SHROOM3: variants seen among roughly 807,000 people sequenced by gnomAD.
The protein encoded by SHROOM3 is protein Shroom3.
A neutral mutation model predicts 138.6 loss-of-function variants in SHROOM3; 47 were observed. The ratio of observed to expected loss-of-function variants is 0.34; its 90% confidence interval spans 0.27 to 0.43. The LOEUF (loss-of-function observed/expected upper bound fraction) is 0.43. Ranked by LOEUF, SHROOM3 falls within the 20% of genes least tolerant of loss-of-function variation. SHROOM3 has a pLI of 1.00. For synonymous variants in SHROOM3, 1,062 were observed against 1,063.3 expected (o/e 1.00, Z 0.02); for missense variants, 2,491 against 2,596.5 (o/e 0.96, Z 0.88).
chr4:76,674,696 A>G (rs1210253458), intron 2 of SHROOM3, among the ~76,000 whole-genome samples: 1 of 151,668 alleles, frequency 6.6e-6, no homozygotes, highest in Non-Finnish European at 1.5e-5. Flanking sequence ...CTGGGACTAC[A>G]GGCACACATC....
intron 2 of SHROOM3, among the ~76,000 whole-genome samples, chr4:76,639,228 T>C (rs1171388145): frequency 6.6e-6 from 1 of 152,300 alleles, no homozygotes; most frequent in East Asian, 1.9e-4. Flanking sequence ...TAAACCCATG[T>C]ATCACTCCCT....
chr4:76,771,031 T>C lies in SHROOM3; in HGVS notation c.5622+133T>C, dbSNP rs995047706. On this transcript the variant is annotated intron_variant, in intron 10 of 10. Coordinates refer to ENST00000296043, the MANE Select transcript of SHROOM3 (RefSeq NM_020859.4). ...CTTTGGGGCAGGGAGAGAATACATG[T>C]ATAGGTAACCAAGAAACAGAGAAGG... The C allele has an allele frequency of 5.1e-6, 6 of 1,171,732 alleles. No homozygotes were observed. In the Admixed American group the frequency reaches 7.1e-5, roughly 14 times the overall value. The allele number at this position is 1,171,732 out of a possible 1,614,324, so 72.6% of individuals were successfully genotyped here.
chr4:76,700,785 A>G (rs759578488), intron 2 of SHROOM3, among the ~76,000 whole-genome samples: 1 of 148,722 alleles, frequency 6.7e-6, no homozygotes, highest in Non-Finnish European at 1.5e-5. Flanking sequence ...TCTTTTATTT[A>G]TTTATTTATT....
chr4:76,565,623 C>T (rs531586315), intron 2 of SHROOM3, among the ~76,000 whole-genome samples: 3 of 152,210 alleles, frequency 2.0e-5, no homozygotes, highest in African/African-American at 7.2e-5. Context: ...GCTGGGACTA[C>T]AGGTGCACAC....
intron 2 of SHROOM3, among the ~76,000 whole-genome samples, chr4:76,649,872 A>G (rs1735915111): frequency 6.6e-6 from 1 of 152,194 alleles, no homozygotes; most frequent in Admixed American, 6.5e-5. Flanking sequence ...TTGGGCAGCC[A>G]TAACAAAATA....
intron 2 of SHROOM3, chr4:76,688,351 TAA>T: frequency 1.0e-6 from 1 of 983,034 alleles, no homozygotes; most frequent in Non-Finnish European, 1.2e-6. Context: ...TGTCAGGATA[TAA>T]GAGCACAGAC....
chr4:76,639,635 C>A, intron 2 of SHROOM3: 1 of 396,314 alleles, frequency 2.5e-6, no homozygotes, highest in Non-Finnish European at 4.4e-6. Context: ...AAGAAGACAA[C>A]GAAACATGTA....
chr4:76,748,876 T>C, intron 5 of SHROOM3, 141 bp from the exon 6 acceptor site: 1 of 732,694 alleles, frequency 1.4e-6, no homozygotes, highest in South Asian at 1.4e-5. Context: ...GCCATGGGAT[T>C]ATGTAAGAGT....
chr4:76,631,773 A>G (rs1577934419), intron 2 of SHROOM3, among the ~76,000 whole-genome samples: 2 of 152,334 alleles, frequency 1.3e-5, no homozygotes, highest in East Asian at 3.9e-4. Context: ...TATCAACTTT[A>G]TTTCTTGAAA....
intron 1 of SHROOM3, among the ~76,000 whole-genome samples, chr4:76,481,245 G>C (rs1250219251): frequency 1.3e-5 from 2 of 152,012 alleles, no homozygotes; most frequent in East Asian, 3.8e-4. Context: ...GACTAATAAA[G>C]AAGAAAAGAG....
intron 1 of SHROOM3, among the ~76,000 whole-genome samples, chr4:76,498,927 C>T (rs999097341): frequency 2.6e-4 from 39 of 152,176 alleles, no homozygotes; most frequent in African/African-American, 9.2e-4. Context: ...TGGATTTGTG[C>T]GATGGAAACT....
chr4:76,757,683 C>T (rs866131755), intron 8 of SHROOM3, among the ~76,000 whole-genome samples: 4 of 152,192 alleles, frequency 2.6e-5, no homozygotes, highest in Admixed American at 1.3e-4. Flanking sequence ...TGGCCCAGTC[C>T]GTGAGCCTCT....
intron 2 of SHROOM3, among the ~76,000 whole-genome samples, chr4:76,638,319 CA>C (rs1735561210): frequency 1.3e-5 from 2 of 151,670 alleles, no homozygotes; most frequent in East Asian, 3.9e-4. Flanking sequence ...ACTATGTACC[CA>C]AAAAAATTAA....
intron 2 of SHROOM3, among the ~76,000 whole-genome samples, chr4:76,574,593 T>G (rs1245889298): frequency 6.6e-6 from 1 of 152,232 alleles, no homozygotes; most frequent in African/African-American, 2.4e-5. Context: ...ATTGATTAGC[T>G]ACATAAACTC....
intron 2 of SHROOM3, among the ~76,000 whole-genome samples, chr4:76,632,048 T>C (rs1396869966): frequency 6.6e-6 from 1 of 152,128 alleles, no homozygotes; most frequent in Non-Finnish European, 1.5e-5. Flanking sequence ...AATGGGATCA[T>C]GAGTCAAGAT....
chr4:76,623,477 G>T (rs1577926387), intron 2 of SHROOM3, among the ~76,000 whole-genome samples: 1 of 152,302 alleles, frequency 6.6e-6, no homozygotes, highest in East Asian at 1.9e-4. Flanking sequence ...GAGGTTCCAA[G>T]GAAAGCACTG....
intron 2 of SHROOM3, among the ~76,000 whole-genome samples, chr4:76,584,032 A>G (rs1734100438): frequency 6.6e-6 from 1 of 152,232 alleles, no homozygotes; most frequent in Admixed American, 6.5e-5. Flanking sequence ...AGTGACATAG[A>G]GGCTGGGTAC....
At chr4:76,457,649 G>A (rs1173298757) in intron 1 of SHROOM3, among the ~76,000 whole-genome samples, 6 of 151,642 alleles carry the variant, frequency 4.0e-5, no homozygotes, top group East Asian at 1.9e-4. Context: ...GCACCACCAC[G>A]CCCAGCTAAT....
chr4:76,524,640 A>G, intron 1 of SHROOM3, among the ~76,000 whole-genome samples: 1 of 152,194 alleles, frequency 6.6e-6, no homozygotes, highest in Admixed American at 6.5e-5. Flanking sequence ...AACCCTTACA[A>G]GGGCTGCTTC....
Sources: allele counts gnomAD v4.1 joint callset (sites outside exome capture counted in the v4.1 genomes callset), GRCh38; gene constraint gnomAD v4.1.1; transcripts MANE v1.5; gene names NCBI Gene and HGNC (gene_info 2026-07-23, HGNC 2026-07-21).